PLEKHA7: variants seen among roughly 807,000 people sequenced by gnomAD.
PLEKHA7 encodes the protein pleckstrin homology domain-containing family A member 7.
PLEKHA7 carries 104 observed loss-of-function variants against 170.0 expected under a neutral mutation model. The ratio of observed to expected loss-of-function variants is 0.61; its 90% confidence interval spans 0.52 to 0.72. The LOEUF (loss-of-function observed/expected upper bound fraction) is 0.72, where lower values mean the gene tolerates loss of function less well. PLEKHA7 is among the 30% of genes least tolerant of loss of function. The pLI, the probability that PLEKHA7 is intolerant of heterozygous loss-of-function variation, is 0.00. For synonymous variants in PLEKHA7, 648 were observed against 660.8 expected (o/e 0.98, Z 0.30); for missense variants, 1,615 against 1,671.7 (o/e 0.97, Z 0.59).
At position 16,795,333 on chromosome 11, in the gene PLEKHA7, C is replaced by G. The variant is rs567684846; in HGVS notation, c.2410-315G>C. On this transcript the variant is annotated intron_variant, in intron 17 of 26. Coordinates refer to ENST00000531066, the MANE Select transcript of PLEKHA7 (RefSeq NM_001329630.2). ...ATGACATACTTAGAGTAGTCAATTT[C>G]GTAGAGACAGGAAGTACAACAGTGG... is the stretch of plus-strand genomic sequence containing the variant. 3 of 280,180 alleles carry G rather than the reference C, an allele frequency of 1.1e-5. No individual in the cohort carries two copies. The East Asian group carries it at 2.3e-4, about 21-fold the overall frequency. The allele number at this position is 280,180 out of a possible 1,614,324, so 17.4% of individuals were successfully genotyped here. A position where few individuals can be genotyped will look rare whatever the true frequency, so the allele number is the denominator to read the frequency against.
At chr11:16,953,445 A>C (rs1477073811) in intron 3 of PLEKHA7, among the ~76,000 whole-genome samples, 2 of 152,226 alleles carry the variant, frequency 1.3e-5, no homozygotes, top group Admixed American at 1.3e-4. Flanking sequence ...AAATGAACAC[A>C]ATAAGAACAA....
At chr11:16,878,604 C>T (rs537199587) in intron 3 of PLEKHA7, among the ~76,000 whole-genome samples, 1 of 152,276 alleles carries the variant, frequency 6.6e-6, no homozygotes, top group South Asian at 2.1e-4. Flanking sequence ...GCTCTTTCCT[C>T]CGGATATTTG....
At chr11:16,890,426 CAAAGT>C (rs1416718900) in intron 3 of PLEKHA7, among the ~76,000 whole-genome samples, 1 of 152,038 alleles carries the variant, frequency 6.6e-6, no homozygotes, top group Non-Finnish European at 1.5e-5. Context: ...AAGACATTTA[CAAAGT>C]AAAGGACTGG....
rs1564908363 is a variant in PLEKHA7 at position 16,789,356 on chromosome 11, C to T, written c.3157-60G>A. The T allele has an allele frequency of 2.6e-6, 4 of 1,513,920 alleles. No individual in the cohort carries two copies. Among genetic ancestry groups the T allele is most frequent in the Non-Finnish European group, 1.8e-6 (2 of 1,097,758 alleles). The allele number at this position is 1,513,920 out of a possible 1,614,324, so 93.8% of individuals were successfully genotyped here. On this transcript the variant is annotated intron_variant, in intron 22 of 26. Coordinates refer to ENST00000531066, the MANE Select transcript of PLEKHA7 (RefSeq NM_001329630.2). This position sits in a 1 kb window ranked among gnomAD's most constrained non-coding sequence, Gnocchi z 4.6. ...ACAGCTGGGCTGGGCACGCAGAGGA[C>T]AGCCACCCTGCTGGCTGCATTCCCG...
At chr11:16,849,560 G>A (rs1852746984) in intron 8 of PLEKHA7, among the ~76,000 whole-genome samples, 2 of 152,194 alleles carry the variant, frequency 1.3e-5, no homozygotes, top group African/African-American at 2.4e-5. Flanking sequence ...TGTGCAGCAA[G>A]TGACCAAGAT....
intron 3 of PLEKHA7, among the ~76,000 whole-genome samples, chr11:16,987,839 C>G (rs1234291483): frequency 2.6e-5 from 4 of 151,864 alleles, no homozygotes; most frequent in African/African-American, 9.7e-5. Context: ...GATTCTTTTA[C>G]TCATTGCTAC....
At chr11:16,995,658 G>C (rs1440090385) in intron 3 of PLEKHA7, among the ~76,000 whole-genome samples, 1 of 152,104 alleles carries the variant, frequency 6.6e-6, no homozygotes, top group African/African-American at 2.4e-5. Flanking sequence ...TATGATGTCA[G>C]GTAAATGGAC....
chr11:16,799,124 T>C (rs1349718403), intron 17 of PLEKHA7, among the ~76,000 whole-genome samples: 1 of 152,210 alleles, frequency 6.6e-6, no homozygotes, highest in East Asian at 1.9e-4. Flanking sequence ...GGAATACATT[T>C]TGAATTTCAG....
In PLEKHA7 at chr11:16,789,370, G is replaced by A. The variant is rs1590122443; in HGVS notation, c.3157-74C>T. 2 of 1,411,118 alleles carry A rather than the reference G, an allele frequency of 1.4e-6. No homozygotes were observed. The highest frequency in any genetic ancestry group is 2.3e-5 in the East Asian group (1 of 43,732). 87.4% of individuals were successfully genotyped at this position (1,411,118 alleles called of 1,614,324 possible). ...CACGCAGAGGACAGCCACCCTGCTGGCTGCATTCCCGTTGTCTCTCTCTCA... is the reference window on the plus strand; with the variant it reads ...CACGCAGAGGACAGCCACCCTGCTGACTGCATTCCCGTTGTCTCTCTCTCA... On this transcript the variant is annotated intron_variant, in intron 22 of 26. Coordinates refer to ENST00000531066, the MANE Select transcript of PLEKHA7 (RefSeq NM_001329630.2). This position sits in a 1 kb window ranked among gnomAD's most constrained non-coding sequence, Gnocchi z 4.6.
intron 9 of PLEKHA7, among the ~76,000 whole-genome samples, chr11:16,839,133 C>T (rs2135218133): frequency 6.6e-6 from 1 of 152,202 alleles, no homozygotes; most frequent in East Asian, 1.9e-4. Flanking sequence ...TAAAAATACA[C>T]TACAGTACAT....
intron 3 of PLEKHA7, among the ~76,000 whole-genome samples, chr11:16,889,568 C>T (rs558855778): frequency 2.1e-3 from 313 of 151,200 alleles, no homozygotes; most frequent in Middle Eastern, 6.9e-3. Flanking sequence ...CGTCACTGCA[C>T]TCCAGCCTGA....
intron 8 of PLEKHA7, among the ~76,000 whole-genome samples, chr11:16,846,443 A>T (rs528868619): frequency 1.3e-5 from 2 of 152,226 alleles, no homozygotes; most frequent in African/African-American, 4.8e-5. Flanking sequence ...TCCAAGGTGG[A>T]CTCTGCCTCT....
At chr11:16,863,650 G>A (rs1356567425) in intron 4 of PLEKHA7, among the ~76,000 whole-genome samples, 1 of 152,134 alleles carries the variant, frequency 6.6e-6, no homozygotes, top group Non-Finnish European at 1.5e-5. Context: ...CCTCTTCCCC[G>A]AGAGCTGCAG....
In PLEKHA7 at chr11:16,789,479, GCTTT is replaced by G; in HGVS notation, c.3157-187_3157-184del. 1 of 648,610 alleles carries G rather than the reference GCTTT, an allele frequency of 1.5e-6. No homozygotes were observed. The highest frequency in any genetic ancestry group is 1.9e-5 in the South Asian group (1 of 52,166). The allele number at this position is 648,610 out of a possible 1,614,324, so 40.2% of individuals were successfully genotyped here. Reference sequence around the variant, plus strand: ...AACACGATGCCCCCAACCCTCAGGAGCTTTCTGAGTAGCACCCATTCTGCAGATG... The same window carrying G: ...AACACGATGCCCCCAACCCTCAGGAGCTGAGTAGCACCCATTCTGCAGATG... On this transcript the variant is annotated intron_variant, in intron 22 of 26. Transcript: ENST00000531066. The surrounding 1 kb of genome is among the most constrained non-coding windows in gnomAD (Gnocchi z 4.6).
At chr11:16,782,149 T>G (rs1158469095) in intron 26 of PLEKHA7, among the ~76,000 whole-genome samples, 1 of 144,778 alleles carries the variant, frequency 6.9e-6, no homozygotes, top group Non-Finnish European at 1.5e-5. Context: ...AGACACACAT[T>G]GAGACACACG....
In PLEKHA7 at chr11:16,813,947, G is replaced by A. The variant is rs535690042; in HGVS notation, c.1954-781C>T. Among the ~76,000 whole-genome samples the A allele has an allele frequency of 2.6e-4, 40 of 152,340 alleles. No individual in the cohort carries two copies. The South Asian group carries it at 7.5e-3, about 28-fold the overall frequency. On this transcript the variant is annotated intron_variant, in intron 12 of 26. Coordinates refer to ENST00000531066, the MANE Select transcript of PLEKHA7 (RefSeq NM_001329630.2). ...AAGCTAACTGTGAGGCAGAGGAGCT[G>A]TGAAAGCTGTGAAAGAAAAATAATC...
intron 3 of PLEKHA7, among the ~76,000 whole-genome samples, chr11:17,003,806 C>T (rs147342307): frequency 5.8e-4 from 88 of 152,308 alleles, no homozygotes; most frequent in Admixed American, 4.8e-3. Context: ...AAAAACCAAC[C>T]CTGCTGCCCA....
intron 3 of PLEKHA7, among the ~76,000 whole-genome samples, chr11:16,984,748 C>T (rs919862955): frequency 6.6e-6 from 1 of 152,222 alleles, no homozygotes; most frequent in African/African-American, 2.4e-5. Context: ...AGGGCAGAGA[C>T]CTTTATTGAT....
At chr11:16,779,881 C>T (rs1273796265) in intron 26 of PLEKHA7, among the ~76,000 whole-genome samples, 1 of 151,912 alleles carries the variant, frequency 6.6e-6, no homozygotes, top group Non-Finnish European at 1.5e-5. Flanking sequence ...TCTGAACTCA[C>T]ATCAAAGGGG....
Sources: gnomAD v4.1 joint callset for allele counts (sites outside exome capture counted in the v4.1 genomes callset) on GRCh38, gnomAD v4.1.1 for gene constraint, Gnocchi (gnomAD v3.1) non-coding constraint, MANE v1.5 for transcripts, NCBI Gene and HGNC (gene_info 2026-07-23, HGNC 2026-07-21) for gene names.